FER1L5: variants seen among roughly 807,000 people sequenced by gnomAD.
FER1L5 encodes fer-1 like family member 5, also known as fer-1-like protein 5.
Under a neutral mutation model 279.9 loss-of-function variants are expected in FER1L5, and 187 were observed. The ratio of observed to expected loss-of-function variants is 0.67; its 90% CI spans 0.59 to 0.75. The LOEUF (loss-of-function observed/expected upper bound fraction) is 0.75, where lower values mean the gene tolerates loss of function less well. Among genes scored for constraint, FER1L5 ranks in the 30% least tolerant of loss-of-function variants. FER1L5 has a pLI of 0.00. For missense variants in FER1L5, 2,091 were observed against 2,594.4 expected (o/e 0.81, Z 4.21); for synonymous variants, 921 against 989.7 (o/e 0.93, Z 1.30).
At position 96,686,290 on chromosome 2, in the gene FER1L5, C is replaced by T; in HGVS notation, c.2169C>T (p.Ser723=). The stretch of plus-strand genomic sequence containing the variant: ...TGCCTGCCCACTCCGTCCTCTTCTC[C>T]CCGGCAGGGGCTCTGCACTCCGGCA... ...AQVPAHSVLF[S]PAGALHSGRL... Residue 723 remains serine, a synonymous_variant, in exon 23 of 53, where the codon TCC becomes TCT. Coordinates refer to ENST00000624922, the MANE Select transcript of FER1L5 (RefSeq NM_001293083.2). 8 of 1,551,640 alleles carry T rather than the reference C, an allele frequency of 5.2e-6. No individual in the cohort carries two copies. The highest frequency in any genetic ancestry group is 7.0e-6 in the Non-Finnish European group (8 of 1,146,990).
chr2:96,655,954 C>T (rs999767002), intron 9 of FER1L5, among the ~76,000 whole-genome samples: 1 of 152,168 alleles, frequency 6.6e-6, no homozygotes, highest in Non-Finnish European at 1.5e-5. Context: ...TTAAGCCGTC[C>T]TCCCACCTCA....
intron 19 of FER1L5, among the ~76,000 whole-genome samples, chr2:96,683,275 G>A (rs762895462): frequency 3.3e-5 from 5 of 152,128 alleles, no homozygotes; most frequent in African/African-American, 1.2e-4. Context: ...GACCCCTGCC[G>A]AGGGCTCTGA....
At position 96,698,121 on chromosome 2, in the gene FER1L5, C is replaced by T; in HGVS notation, c.4321C>T (p.Pro1441Ser). 1.3e-6 allele frequency: 2 copies of T among 1,581,584 alleles called. No individual in the cohort carries two copies. The highest frequency in any genetic ancestry group is 1.7e-6 in the Non-Finnish European group (2 of 1,164,072). The change falls in exon 40 of 53, where the codon CCC (proline) becomes TCC (serine). Residue 1441 changes from proline (P) to serine (S), a missense_variant. By Grantham distance (74) the Pro-to-Ser change is moderately conservative. Coordinates refer to ENST00000624922, the MANE Select transcript of FER1L5 (RefSeq NM_001293083.2). This position sits in a 1 kb window ranked among gnomAD's most constrained non-coding sequence, Gnocchi z 5.5. ...GACCTTCAAACTCTACCAGGAGCAG[C>T]CCAAGTTGGACAGCCCCGTGGTAGG... ...CQTFKLYQEQPKLDSPVVGEF... is the reference protein window; with the variant it reads ...CQTFKLYQEQSKLDSPVVGEF...
At position 96,689,302 on chromosome 2, in the gene FER1L5, C is replaced by T; in HGVS notation, c.2451C>T (p.Thr817=). 1 of 1,550,194 alleles carries T rather than the reference C, an allele frequency of 6.5e-7. No homozygotes were observed. The highest frequency in any genetic ancestry group is 8.7e-7 in the Non-Finnish European group (1 of 1,146,598). The part of the protein sequence containing the change: ...PNFSDVMGNK[T]LPMTDFQPPL... Reference sequence around the variant, plus strand: ...TCTCGGATGTCATGGGGAACAAGACCCTCCCCATGACGGATTTCCAACCAC... The same window carrying T: ...TCTCGGATGTCATGGGGAACAAGACTCTCCCCATGACGGATTTCCAACCAC... The change falls in exon 25 of 53, where the codon ACC becomes ACT. Residue 817 remains threonine (T), a synonymous_variant. Coordinates refer to ENST00000624922, the MANE Select transcript of FER1L5 (RefSeq NM_001293083.2). The surrounding 1 kb of genome is among the most constrained non-coding windows in gnomAD (Gnocchi z 4.6).
At chr2:96,684,891 T>C (rs2076863955) in intron 20 of FER1L5, among the ~76,000 whole-genome samples, 1 of 151,926 alleles carries the variant, frequency 6.6e-6, no homozygotes, top group Non-Finnish European at 1.5e-5. Flanking sequence ...GCCGCGGCAA[T>C]GTGCTGGTTT....
rs1486922245 is a variant in FER1L5, at chr2:96,687,871, T to G, written c.2285T>G (p.Met762Arg). ...DVLPAHLRVC[M>R]WLGNVTDSKD... ...CTCCCAGCTCACCTCCGGGTCTGCA[T>G]GTGGCTTGGCAATGTCACAGACAGC... Residue 762 changes from methionine (M) to arginine (R), a missense_variant, in exon 24 of 53, where the codon ATG becomes AGG. By Grantham distance (91) the Met-to-Arg change is moderately conservative (BLOSUM62 -1). Transcript: ENST00000624922. 6.4e-7 allele frequency: 1 copy of G among 1,551,186 alleles called. No homozygotes were observed.
At position 96,689,204 on chromosome 2, in the gene FER1L5, C is replaced by A. The variant is rs2077047502; in HGVS notation, c.2362-9C>A. 6.5e-7 allele frequency: 1 copy of A among 1,549,338 alleles called. No individual in the cohort carries two copies. ...GAGGCGGCCGCCCTGACAAGCTTCC[C>A]TCCCCTAGTATGAGAATCAGGCCAA... On this transcript the variant is annotated splice_polypyrimidine_tract_variant and intron_variant, in intron 24 of 52. Transcript: ENST00000624922. The surrounding 1 kb of genome is among the most constrained non-coding windows in gnomAD (Gnocchi z 4.6).
In FER1L5 at chr2:96,691,197, G is replaced by A. The variant is rs547677023; in HGVS notation, c.2751G>A (p.Glu917=). 95 of 1,548,488 alleles carry A rather than the reference G, an allele frequency of 6.1e-5. 1 individual carries two copies. In the African/African-American group the frequency reaches 1.1e-3, roughly 18 times the overall value. Reference sequence around the variant, plus strand: ...ATGGTCCACCCACCGCAGGCTGGGAGTATGGAGTGGGGATCCCACCGTCGG... The same window carrying A: ...ATGGTCCACCCACCGCAGGCTGGGAATATGGAGTGGGGATCCCACCGTCGG... ...LNHAVDSKGW[E]YGVGIPPSGL... The change falls in exon 28 of 53, where the codon GAG becomes GAA. Residue 917 remains glutamate (E), a synonymous_variant. Coordinates refer to ENST00000624922, the MANE Select transcript of FER1L5 (RefSeq NM_001293083.2). This position sits in a 1 kb window ranked among gnomAD's most constrained non-coding sequence, Gnocchi z 6.0.
intron 14 of FER1L5, 36 bp downstream of exon 14, chr2:96,663,543 A>C: frequency 6.5e-7 from 1 of 1,544,456 alleles, no homozygotes; most frequent in Non-Finnish European, 8.8e-7. Context: ...CTTCTCCCAC[A>C]TCCCCTAACA....
At chr2:96,687,639 T>C in intron 23 of FER1L5, 177 bp from the exon 24 acceptor site, 10 of 991,320 alleles carry the variant, frequency 1.0e-5, no homozygotes, top group Non-Finnish European at 1.5e-5. Flanking sequence ...GCCACCCCAC[T>C]CTGGAGGGCA....
intron 7 of FER1L5, 200 bp from the exon 8 acceptor site, chr2:96,653,440 G>T: frequency 1.7e-6 from 1 of 579,000 alleles, no homozygotes. Context: ...GGTCATGTTG[G>T]CACTCAGAAA....
chr2:96,702,349 C>G lies in FER1L5; in HGVS notation c.5203C>G (p.Leu1735Val), dbSNP rs1374680397. 3 of 1,613,070 alleles carry G rather than the reference C, an allele frequency of 1.9e-6. No homozygotes were observed. In the Admixed American group the frequency reaches 5.0e-5, roughly 27 times the overall value. The change falls in exon 47 of 53, where the codon CTG (leucine) becomes GTG (valine). Residue 1735 changes from leucine to valine, a missense_variant. By Grantham distance (32) the Leu-to-Val change is conservative. Transcript: ENST00000624922. This position sits in a 1 kb window ranked among gnomAD's most constrained non-coding sequence, Gnocchi z 4.0. ...CIIWKTANVD[L>V]VDDNLSREKT... ...CATCTGGAAGACTGCCAATGTGGAC[C>G]TGGTGGATGACAATTTAAGTAGAGA...
chr2:96,666,638 AT>A (rs1254861254), intron 14 of FER1L5, among the ~76,000 whole-genome samples: 4 of 151,324 alleles, frequency 2.6e-5, no homozygotes, highest in Non-Finnish European at 4.4e-5. Flanking sequence ...GGACACATGG[AT>A]TTTTTTCTTT....
chr2:96,692,019 CGGG>C, intron 30 of FER1L5, 56 bp downstream of exon 30: 23 of 889,268 alleles, frequency 2.6e-5, no homozygotes, highest in Non-Finnish European at 3.3e-5. Context: ...TACCCGAGGG[CGGG>C]GGGGGGGGAC....
chr2:96,676,127 C>T (rs184158111), intron 19 of FER1L5, among the ~76,000 whole-genome samples: 10 of 152,284 alleles, frequency 6.6e-5, no homozygotes, highest in African/African-American at 1.7e-4. Context: ...ATACAGATAA[C>T]CAGTGGAGCA....
intron 19 of FER1L5, among the ~76,000 whole-genome samples, chr2:96,678,135 T>G (rs1198905393): frequency 6.6e-6 from 1 of 152,104 alleles, no homozygotes; most frequent in African/African-American, 2.4e-5. Context: ...TTTATTGATT[T>G]ATTTTTTGAG....
In FER1L5 at chr2:96,700,809, C is replaced by T. The variant is rs145984027; in HGVS notation, c.5070+338C>T. Among the ~76,000 whole-genome samples the T allele has an allele frequency of 1.9e-4, 29 of 152,318 alleles. No homozygotes were observed. In the East Asian group the frequency reaches 5.4e-3, roughly 28 times the overall value. On this transcript the variant is annotated intron_variant, in intron 45 of 52. Transcript: ENST00000624922. Reference sequence around the variant, plus strand: ...GGAAGGTGGCGCTCAGGTCAGACAGCGCAGACATGACAACGCGGGTTCTGG... The same window carrying T: ...GGAAGGTGGCGCTCAGGTCAGACAGTGCAGACATGACAACGCGGGTTCTGG...
At chr2:96,663,639 G>A (rs2076028073) in intron 14 of FER1L5, 132 bp downstream of exon 14, 1 of 950,128 alleles carries the variant, frequency 1.1e-6, no homozygotes, top group Admixed American at 2.1e-5. Context: ...TGCCTGATAG[G>A]GAGCATGAGG....
rs1015120223 is a variant in FER1L5 at position 96,689,586 on chromosome 2, C to T, written c.2526-58C>T. On this transcript the variant is annotated intron_variant, in intron 25 of 52. Transcript: ENST00000624922. This position sits in a 1 kb window ranked among gnomAD's most constrained non-coding sequence, Gnocchi z 4.6. ...ATGGGAACGCTTGGCCAGCAGAAGA[C>T]GGCCCTAGGGGCTGCTTGGGGAGTT... 80 of 1,486,022 alleles carry T rather than the reference C, an allele frequency of 5.4e-5. No homozygotes were observed. The highest frequency in any genetic ancestry group is 1.8e-4 in the African/African-American group (13 of 71,710). 92.1% of individuals were successfully genotyped at this position (1,486,022 alleles called of 1,614,324 possible).
Sources: gnomAD v4.1 joint callset for allele counts (sites outside exome capture counted in the v4.1 genomes callset) on GRCh38, gnomAD v4.1.1 for gene constraint, Gnocchi (gnomAD v3.1) non-coding constraint, MANE v1.5 for transcripts, NCBI Gene and HGNC (gene_info 2026-07-23, HGNC 2026-07-21) for gene names.